ADAMTS9: variants seen among roughly 807,000 people sequenced by gnomAD.
ADAMTS9 encodes the protein A disintegrin and metalloproteinase with thrombospondin motifs 9.
Under a neutral mutation model 257.1 loss-of-function variants are expected in ADAMTS9, and 107 were observed. That is an observed-to-expected ratio of 0.42 (90% CI 0.36 to 0.49). The LOEUF (loss-of-function observed/expected upper bound fraction) is 0.49. ADAMTS9 is among the 20% of genes least tolerant of loss of function. ADAMTS9 has a pLI of 0.03. For synonymous variants in ADAMTS9, 982 were observed against 880.9 expected, an observed-to-expected ratio of 1.11 and a Z score of -2.03; for missense variants, 2,353 against 2,469.1, an observed-to-expected ratio of 0.95 and a Z score of 1.00.
intron 28 of ADAMTS9, among the ~76,000 whole-genome samples, chr3:64,576,256 C>T (rs1030440336): frequency 1.3e-5 from 2 of 152,194 alleles, no homozygotes; most frequent in Non-Finnish European, 2.9e-5. Context: ...TGCGTTTCTC[C>T]CTTGTCTTTT....
chr3:64,668,053 C>T (rs2107004564), intron 3 of ADAMTS9, among the ~76,000 whole-genome samples: 1 of 152,120 alleles, frequency 6.6e-6, no homozygotes, highest in South Asian at 2.1e-4. Flanking sequence ...TTAGCAGTAG[C>T]GGGAGAGTGA....
chr3:64,519,041 A>G (rs1045403406), intron 39 of ADAMTS9, among the ~76,000 whole-genome samples: 9 of 151,988 alleles, frequency 5.9e-5, no homozygotes, highest in Non-Finnish European at 1.5e-5. Context: ...GCTTCCCAAA[A>G]TGCTGGAATT....
At chr3:64,522,042 C>T (rs1559744619) in intron 39 of ADAMTS9, 124 bp downstream of exon 39, 5 of 725,438 alleles carry the variant, frequency 6.9e-6, no homozygotes, top group South Asian at 5.5e-5. Flanking sequence ...AAAGGTAGAA[C>T]TGTATTGGGT....
intron 30 of ADAMTS9, among the ~76,000 whole-genome samples, chr3:64,551,985 C>T (rs1263360665): frequency 6.6e-6 from 1 of 152,206 alleles, no homozygotes; most frequent in East Asian, 1.9e-4. Flanking sequence ...GTGTCAGGCC[C>T]TGTGACGGGT....
intron 18 of ADAMTS9, 146 bp from the exon 19 acceptor site, chr3:64,621,386 GACAT>G: frequency 1.1e-6 from 1 of 947,638 alleles, no homozygotes; most frequent in Non-Finnish European, 1.5e-6. Flanking sequence ...ATTCAACCCT[GACAT>G]TACAGGGCAA....
chr3:64,570,121 A>G (rs888665647), intron 28 of ADAMTS9, among the ~76,000 whole-genome samples: 1 of 152,070 alleles, frequency 6.6e-6, no homozygotes, highest in South Asian at 2.1e-4. Context: ...GGGTTCAATT[A>G]GATTTGGAAT....
chr3:64,604,689 CTG>C (rs2084527408), intron 23 of ADAMTS9, among the ~76,000 whole-genome samples: 1 of 152,206 alleles, frequency 6.6e-6, no homozygotes, highest in Non-Finnish European at 1.5e-5. Context: ...TTTTAAAACT[CTG>C]AAGGCCAAAT....
chr3:64,653,752 G>A (rs1004364442), intron 8 of ADAMTS9, among the ~76,000 whole-genome samples: 11 of 152,060 alleles, frequency 7.2e-5, no homozygotes, highest in African/African-American at 1.2e-4. Flanking sequence ...TGTTCTAACC[G>A]TGCTCTATCT....
rs764233344 is a variant in ADAMTS9 at position 64,568,375 on chromosome 3, C to A, written c.4517G>T (p.Trp1506Leu). Residue 1506 changes from tryptophan to leucine, a missense_variant, in exon 29 of 40, where the codon TGG (tryptophan) becomes TTG (leucine). By Grantham distance (61) the Trp-to-Leu change is moderately conservative (BLOSUM62 -2). Coordinates refer to ENST00000498707, the MANE Select transcript of ADAMTS9 (RefSeq NM_182920.2). ...AGGAGAAGCATTGCTCACCTGACTC[C>A]AAGCGCCAGCTTTCCATTTGGGGCA... The part of the protein sequence containing the change: ...GRCPKWKAGA[W>L]SQCSVSCGRG... 3.7e-6 allele frequency: 6 copies of A among 1,609,494 alleles called. No homozygotes were observed. The East Asian group carries it at 1.3e-4, about 36-fold the overall frequency.
At chr3:64,528,479 G>A (rs1015281369) in intron 38 of ADAMTS9, among the ~76,000 whole-genome samples, 1 of 152,036 alleles carries the variant, frequency 6.6e-6, no homozygotes, top group Non-Finnish European at 1.5e-5. Context: ...GAAACTTTAC[G>A]ACCCCTAGCT....
chr3:64,677,407 T>C (rs1701646384), intron 3 of ADAMTS9, among the ~76,000 whole-genome samples: 1 of 152,006 alleles, frequency 6.6e-6, no homozygotes, highest in African/African-American at 2.4e-5. Context: ...AAGAGAAACT[T>C]GCAAGAAAGA....
At position 64,540,240 on chromosome 3, in the gene ADAMTS9, T is replaced by G. The variant is rs1040942388; in HGVS notation, c.5521+855A>C. 2.6e-5 allele frequency among the ~76,000 whole-genome samples: 4 copies of G among 152,202 alleles called. No homozygotes were observed. The East Asian group carries it at 7.7e-4, about 29-fold the overall frequency. ...CATTCTAGCTCAAGGAAATTTAAAG[T>G]ATCTTGGTACAAATCACGTTTAATC... On this transcript the variant is annotated intron_variant, in intron 36 of 39. Transcript: ENST00000498707.
chr3:64,609,335 G>A (rs1328629793), intron 22 of ADAMTS9, among the ~76,000 whole-genome samples: 3 of 152,028 alleles, frequency 2.0e-5, no homozygotes, highest in Non-Finnish European at 4.4e-5. Flanking sequence ...GAAGGAAGAA[G>A]TACAACTAAT....
At chr3:64,626,890 C>G (rs1179303842) in intron 16 of ADAMTS9, among the ~76,000 whole-genome samples, 1 of 152,124 alleles carries the variant, frequency 6.6e-6, no homozygotes, top group African/African-American at 2.4e-5. Context: ...GCAGCTCCTG[C>G]AGCGCGAGAC....
chr3:64,607,074 A>C lies in ADAMTS9; in HGVS notation c.3360T>G (p.Ser1120Arg). 1 of 1,613,746 alleles carries C rather than the reference A, an allele frequency of 6.2e-7. No homozygotes were observed. Among genetic ancestry groups the C allele is most frequent in the South Asian group, 1.1e-5 (1 of 91,066 alleles). The change falls in exon 23 of 40, where the codon AGT (serine) becomes AGG (arginine). Residue 1120 changes from serine (S) to arginine (R), a missense_variant. This residue lies in a region of ADAMTS9 where 1,402 missense variants were observed against 1,441.4 expected (regional missense o/e 0.97). Coordinates refer to ENST00000498707, the MANE Select transcript of ADAMTS9 (RefSeq NM_182920.2). The part of the protein sequence containing the change: ...SWQAGPWGQC[S>R]VTCGQGYQLR... ...GCTGGTATCCCTGTCCACAAGTGAC[A>C]CTGCACTGGAAGAAGGAGGACAAAA...
chr3:64,617,357 C>G (rs1699983590), intron 19 of ADAMTS9, among the ~76,000 whole-genome samples: 1 of 152,142 alleles, frequency 6.6e-6, no homozygotes, highest in South Asian at 2.1e-4. Flanking sequence ...ATGCCAGCAG[C>G]TTAGCATGGC....
At chr3:64,576,948 C>T (rs987181941) in intron 28 of ADAMTS9, among the ~76,000 whole-genome samples, 10 of 152,164 alleles carry the variant, frequency 6.6e-5, no homozygotes, top group African/African-American at 2.4e-4. Context: ...CACCCCAACG[C>T]CCCCAGGAAT....
chr3:64,649,558 T>A, intron 10 of ADAMTS9, 79 bp downstream of exon 10: 1 of 1,480,636 alleles, frequency 6.8e-7, no homozygotes, highest in Non-Finnish European at 9.1e-7. Context: ...ATAGTCGAGT[T>A]AGAATGCAAT....
intron 28 of ADAMTS9, among the ~76,000 whole-genome samples, chr3:64,569,652 T>G (rs1488312352): frequency 6.6e-6 from 1 of 152,230 alleles, no homozygotes; most frequent in African/African-American, 2.4e-5. Context: ...TATCCATTCA[T>G]AAATGTACCA....
Sources: allele counts gnomAD v4.1 joint callset (sites outside exome capture counted in the v4.1 genomes callset), GRCh38; gene constraint gnomAD v4.1.1; regional missense constraint gnomAD v4.1.1; transcripts MANE v1.5; gene names NCBI Gene and HGNC (gene_info 2026-07-23, HGNC 2026-07-21).